The following DDAH1 variants were observed in gnomAD, a reference collection of about 807,000 sequenced individuals.
DDAH1 encodes N(G),N(G)-dimethylarginine dimethylaminohydrolase 1.
In DDAH1, 19 loss-of-function variants were observed where a neutral mutation model predicts 28.8. The observed-to-expected ratio is 0.66, with a 90% CI of 0.46 to 0.97. DDAH1 has a LOEUF of 0.97. DDAH1 is among the 50% of genes least tolerant of loss of function. The pLI, the probability that DDAH1 is intolerant of heterozygous loss-of-function variation, is 0.00. For missense variants in DDAH1, 326 were observed against 375.9 expected (o/e 0.87, Z 1.10); for synonymous variants, 153 against 154.4 (o/e 0.99, Z 0.07).
At chr1:85,409,909 C>A (rs1652567573) in intron 1 of DDAH1, among the ~76,000 whole-genome samples, 1 of 152,196 alleles carries the variant, frequency 6.6e-6, no homozygotes, top group Admixed American at 6.5e-5. Context: ...AGTTGTTGGA[C>A]TGCAAGTTAA....
chr1:85,536,924 G>C (rs1251281715), intron 1 of DDAH1, among the ~76,000 whole-genome samples: 2 of 141,978 alleles, frequency 1.4e-5, no homozygotes, highest in African/African-American at 5.2e-5. Context: ...TCAAACAACA[G>C]ATGAATAGAT....
chr1:85,454,436 T>G (rs1239710815), intron 1 of DDAH1, among the ~76,000 whole-genome samples: 1 of 152,142 alleles, frequency 6.6e-6, no homozygotes, highest in African/African-American at 2.4e-5. Context: ...TAGAAAGTAA[T>G]GCTGAGATTT....
chr1:85,496,435 A>G (rs550610268), intron 1 of DDAH1, among the ~76,000 whole-genome samples: 1 of 152,354 alleles, frequency 6.6e-6, no homozygotes, highest in African/African-American at 2.4e-5. Flanking sequence ...AGAATAATAG[A>G]AAGATGACTT....
chr1:85,347,265 A>G (rs577106835), intron 4 of DDAH1, among the ~76,000 whole-genome samples: 1 of 152,024 alleles, frequency 6.6e-6, no homozygotes, highest in Non-Finnish European at 1.5e-5. Context: ...CCCGTTACTG[A>G]GTATATACCC....
chr1:85,331,683 A>G (rs1055509001), intron 4 of DDAH1, among the ~76,000 whole-genome samples: 17 of 152,222 alleles, frequency 1.1e-4, no homozygotes, highest in African/African-American at 3.9e-4. Context: ...TAAAACTGAT[A>G]GCATATTTTC....
intron 4 of DDAH1, among the ~76,000 whole-genome samples, chr1:85,346,616 T>C (rs1414424253): frequency 6.6e-6 from 1 of 152,198 alleles, no homozygotes; most frequent in Admixed American, 6.5e-5. Flanking sequence ...CTCAGTATTT[T>C]GAACTGTAAA....
intron 1 of DDAH1, among the ~76,000 whole-genome samples, chr1:85,391,260 G>A (rs1313235003): frequency 2.0e-5 from 3 of 152,126 alleles, no homozygotes; most frequent in Admixed American, 1.3e-4. Context: ...ACAGAGCCAA[G>A]GGCCATAGTT....
chr1:85,406,543 C>G (rs1652412043), intron 1 of DDAH1, among the ~76,000 whole-genome samples: 1 of 151,978 alleles, frequency 6.6e-6, no homozygotes, highest in Non-Finnish European at 1.5e-5. Flanking sequence ...AAGAAGGATA[C>G]ATATAGAATA....
intron 1 of DDAH1, chr1:85,404,608 A>C: frequency 6.8e-6 from 8 of 1,173,610 alleles, no homozygotes; most frequent in Non-Finnish European, 8.7e-6. Flanking sequence ...ATGTCTGCTG[A>C]AACCGAATCC....
chr1:85,364,921 C>T (rs1338710882), intron 1 of DDAH1, among the ~76,000 whole-genome samples: 4 of 151,906 alleles, frequency 2.6e-5, no homozygotes, highest in South Asian at 2.1e-4. Flanking sequence ...CTCAATGATC[C>T]GGTCTTAAAA....
chr1:85,511,761 A>C (rs939375692), intron 1 of DDAH1, among the ~76,000 whole-genome samples: 12 of 152,338 alleles, frequency 7.9e-5, no homozygotes, highest in African/African-American at 2.4e-4. Flanking sequence ...GAAATGGATA[A>C]ATTCCTGGAC....
chr1:85,560,819 A>G (rs1234438464), intron 1 of DDAH1, among the ~76,000 whole-genome samples: 2 of 152,128 alleles, frequency 1.3e-5, no homozygotes, highest in African/African-American at 4.8e-5. Context: ...TTATCTAATG[A>G]GAATCTTTAA....
intron 1 of DDAH1, among the ~76,000 whole-genome samples, chr1:85,428,453 T>A (rs1200140077): frequency 6.6e-6 from 1 of 152,070 alleles, no homozygotes; most frequent in Non-Finnish European, 1.5e-5. Flanking sequence ...GAGAACAGCA[T>A]GGGAAAGATT....
At chr1:85,394,670 GA>G (rs1651721214) in intron 1 of DDAH1, among the ~76,000 whole-genome samples, 1 of 152,164 alleles carries the variant, frequency 6.6e-6, no homozygotes, top group South Asian at 2.1e-4. Context: ...GGTTAACAAG[GA>G]AATAACTTGA....
chr1:85,487,104 G>A (rs951158336), intron 2 of DDAH1, among the ~76,000 whole-genome samples: 2 of 152,210 alleles, frequency 1.3e-5, no homozygotes, highest in African/African-American at 4.8e-5. Context: ...TGTGTTCTTG[G>A]AAGAGAAATT....
At chr1:85,433,077 T>C (rs887491984) in intron 1 of DDAH1, among the ~76,000 whole-genome samples, 1 of 152,202 alleles carries the variant, frequency 6.6e-6, no homozygotes, top group Non-Finnish European at 1.5e-5. Context: ...ACTATACATA[T>C]ATATGCATAC....
chr1:85,459,454 G>T (rs1268272209), intron 1 of DDAH1, among the ~76,000 whole-genome samples: 3 of 152,228 alleles, frequency 2.0e-5, no homozygotes, highest in Admixed American at 6.5e-5. Context: ...CAGTCTCTGG[G>T]ACACATCAAT....
intron 4 of DDAH1, among the ~76,000 whole-genome samples, chr1:85,338,923 T>A (rs959706418): frequency 6.6e-6 from 1 of 151,524 alleles, no homozygotes; most frequent in Non-Finnish European, 1.5e-5. Context: ...TGTATATGTC[T>A]GTAATCCCAG....
At position 85,464,690 on chromosome 1, in the gene DDAH1, G is replaced by GCGGGGGAGGGC; in HGVS notation, c.303+42_303+52dup. ...TCCCCAGGCAACACGGCGGCCGGCG[G>GCGGGGGAGGGC]CGGGGGAGGGCCTGGCGCGCGCCCC... is the stretch of plus-strand genomic sequence containing the variant. On this transcript the variant is annotated intron_variant, in intron 1 of 5. Coordinates refer to ENST00000284031, the MANE Select transcript of DDAH1 (RefSeq NM_012137.4). The surrounding 1 kb of genome is among the most constrained non-coding windows in gnomAD (Gnocchi z 4.4). 25 of 1,428,740 alleles carry GCGGGGGAGGGC rather than the reference G, an allele frequency of 1.7e-5. No homozygotes were observed. Among genetic ancestry groups the GCGGGGGAGGGC allele is most frequent in the Non-Finnish European group, 2.3e-5 (25 of 1,098,014 alleles). The allele number at this position is 1,428,740 out of a possible 1,614,324, so 88.5% of individuals were successfully genotyped here. A position where few individuals can be genotyped will look rare whatever the true frequency, so the allele number is the denominator to read the frequency against.
Sources: allele counts gnomAD v4.1 joint callset (sites outside exome capture counted in the v4.1 genomes callset), GRCh38; gene constraint gnomAD v4.1.1; non-coding constraint Gnocchi (gnomAD v3.1); transcripts MANE v1.5; gene names NCBI Gene and HGNC (gene_info 2026-07-23, HGNC 2026-07-21).